Variants in GALNT10 observed in about 807,000 individuals in gnomAD.
The protein encoded by GALNT10 is GalNAc transferase 10.
Under a neutral mutation model 75.0 loss-of-function variants are expected in GALNT10, and 41 were observed. The ratio of observed to expected loss-of-function variants is 0.55; its 90% CI spans 0.43 to 0.71. The LOEUF is 0.71. GALNT10 is among the 30% of genes least tolerant of loss of function. The probability of loss-of-function intolerance (pLI) is 0.00; values close to 1 mark genes in which losing one functional copy is unlikely to be tolerated. For missense variants in GALNT10, 727 were observed against 818.5 expected, an observed-to-expected ratio of 0.89 and a Z score of 1.36; for synonymous variants, 302 against 313.0, an observed-to-expected ratio of 0.96 and a Z score of 0.37.
rs144259960 is a variant in GALNT10, at chr5:154,298,027, G to A, written c.349G>A (p.Val117Ile). 6.2e-5 allele frequency: 100 copies of A among 1,612,964 alleles called. No homozygotes were observed. The highest frequency in any genetic ancestry group is 7.5e-5 in the Non-Finnish European group (89 of 1,179,130). ...AYRENGFNIY[V>I]SDKISLNRSL... ...CCGAGAAAATGGATTTAACATCTAC[G>A]TCAGTGATAAAATCTCCTTGAATCG... The change falls in exon 3 of 12, where the codon GTC (valine) becomes ATC (isoleucine). Residue 117 changes from valine to isoleucine, a missense_variant. Coordinates refer to ENST00000297107, the MANE Select transcript of GALNT10 (RefSeq NM_198321.4). The surrounding 1 kb of genome is among the most constrained non-coding windows in gnomAD (Gnocchi z 4.1).
intron 4 of GALNT10, chr5:154,338,447 A>G (rs10463257): frequency 0.45 from 148,043 of 325,410 alleles, 37,229 homozygotes; most frequent in Admixed American, 0.62. Flanking sequence ...ACTCTGACTT[A>G]GACATGATGG....
intron 1 of GALNT10, among the ~76,000 whole-genome samples, chr5:154,233,069 TG>T (rs750477298): frequency 1.3e-5 from 2 of 152,118 alleles, no homozygotes; most frequent in Non-Finnish European, 2.9e-5. Flanking sequence ...ATCTGTAAAA[TG>T]GGGATAATAA....
At position 154,307,199 on chromosome 5, in the gene GALNT10, C is replaced by A. The variant is rs959686296; in HGVS notation, c.401+9120C>A. 1.3e-5 allele frequency among the ~76,000 whole-genome samples: 2 copies of A among 152,298 alleles called. 1 individual carries two copies. Among genetic ancestry groups the A allele is most frequent in the South Asian group, 4.1e-4 (2 of 4,824 alleles). ...CTGCCAAAACTCACTTAAGGAGAAACGATCAACCTGAATAGTCCTATATCT... is the reference window on the plus strand; with the variant it reads ...CTGCCAAAACTCACTTAAGGAGAAAAGATCAACCTGAATAGTCCTATATCT... On this transcript the variant is annotated intron_variant, in intron 3 of 11. Transcript: ENST00000297107.
chr5:154,351,231 CTG>C (rs1274985425), intron 4 of GALNT10, among the ~76,000 whole-genome samples: 1 of 152,156 alleles, frequency 6.6e-6, no homozygotes, highest in Admixed American at 6.5e-5. Context: ...TACAAAGAAA[CTG>C]AGATTTAGAG....
intron 6 of GALNT10, among the ~76,000 whole-genome samples, chr5:154,384,361 G>A (rs1256727070): frequency 2.0e-5 from 3 of 152,168 alleles, no homozygotes; most frequent in Non-Finnish European, 1.5e-5. Context: ...AAGGTAAAGA[G>A]AAACAGGTAA....
intron 1 of GALNT10, among the ~76,000 whole-genome samples, chr5:154,221,352 G>C (rs114882795): frequency 0.018 from 2,784 of 152,296 alleles, 64 homozygotes; most frequent in African/African-American, 0.063. Context: ...GACTGGAGCA[G>C]GGAATTCTGC....
At chr5:154,232,758 T>C (rs1333504719) in intron 1 of GALNT10, among the ~76,000 whole-genome samples, 2 of 152,200 alleles carry the variant, frequency 1.3e-5, no homozygotes, top group African/African-American at 2.4e-5. Flanking sequence ...TCGTGACAAG[T>C]AACAGACATG....
chr5:154,227,753 T>C (rs1047363779), intron 1 of GALNT10, among the ~76,000 whole-genome samples: 3 of 152,190 alleles, frequency 2.0e-5, no homozygotes, highest in African/African-American at 7.2e-5. Flanking sequence ...AAGGTTTTTT[T>C]TTTTCCCTTA....
Position 154,412,944 on chromosome 5 carries a change from C to G in GALNT10, c.1442C>G (p.Ser481Cys), listed in dbSNP as rs201408248. Reference sequence around the variant, plus strand: ...GACACAAAGCACGGGGCCTTGGGCTCCCCACTAAGGCTAGAGGGCTGCGTC... The same window carrying G: ...GACACAAAGCACGGGGCCTTGGGCTGCCCACTAAGGCTAGAGGGCTGCGTC... ...CADTKHGALG[S>C]PLRLEGCVRG... Residue 481 changes from serine to cysteine, a missense_variant, in exon 10 of 12, where the codon TCC (serine) becomes TGC (cysteine). Ser to Cys is a moderately radical substitution (Grantham distance 112). Transcript: ENST00000297107. The surrounding 1 kb of genome is among the most constrained non-coding windows in gnomAD (Gnocchi z 4.2). 1 of 1,613,540 alleles carries G rather than the reference C, an allele frequency of 6.2e-7. No homozygotes were observed.
chr5:154,308,987 A>G (rs1331622243), intron 3 of GALNT10, among the ~76,000 whole-genome samples: 3 of 152,212 alleles, frequency 2.0e-5, no homozygotes, highest in Non-Finnish European at 2.9e-5. Context: ...GGAGAGTCAT[A>G]ATATAAACAA....
At chr5:154,235,670 A>C (rs1753234378) in intron 1 of GALNT10, among the ~76,000 whole-genome samples, 1 of 152,162 alleles carries the variant, frequency 6.6e-6, no homozygotes, top group Non-Finnish European at 1.5e-5. Flanking sequence ...TTATTTAATC[A>C]CTTTGATCCT....
intron 7 of GALNT10, among the ~76,000 whole-genome samples, chr5:154,397,775 T>G (rs1756078399): frequency 6.6e-6 from 1 of 152,196 alleles, no homozygotes; most frequent in Non-Finnish European, 1.5e-5. Context: ...TCTGGGCAGG[T>G]CGGGTGCCGT....
chr5:154,346,746 A>G (rs1346943902), intron 4 of GALNT10, among the ~76,000 whole-genome samples: 1 of 152,174 alleles, frequency 6.6e-6, no homozygotes, highest in African/African-American at 2.4e-5. Context: ...GCTAAATGGA[A>G]GATTTAAACC....
At position 154,190,815 on chromosome 5, in the gene GALNT10, C is replaced by A; in HGVS notation, c.-52C>A. On this transcript the variant is annotated 5_prime_UTR_variant, in exon 1 of 12. It adds an upstream start codon to the 5' untranslated region. Coordinates refer to ENST00000297107, the MANE Select transcript of GALNT10 (RefSeq NM_198321.4). Reference sequence around the variant, plus strand: ...CGGGCGGACGGGCGGACGCGCGGAGCTGGGGGCGGCGCGGCGGGGCCGGCG... The same window carrying A: ...CGGGCGGACGGGCGGACGCGCGGAGATGGGGGCGGCGCGGCGGGGCCGGCG... 1 of 853,574 alleles carries A rather than the reference C, an allele frequency of 1.2e-6. No individual in the cohort carries two copies. The highest frequency in any genetic ancestry group is 1.4e-6 in the Non-Finnish European group (1 of 698,624). The allele number at this position is 853,574 out of a possible 1,614,324, so 52.9% of individuals were successfully genotyped here.
At chr5:154,230,656 TC>T (rs1012132081) in intron 1 of GALNT10, among the ~76,000 whole-genome samples, 1 of 152,230 alleles carries the variant, frequency 6.6e-6, no homozygotes, top group South Asian at 2.1e-4. Flanking sequence ...TGTGAGCCTC[TC>T]TTGCATAGGA....
At chr5:154,337,540 C>T (rs545503250) in intron 4 of GALNT10, 70 of 749,012 alleles carry the variant, frequency 9.3e-5, no homozygotes, top group East Asian at 5.9e-4. Flanking sequence ...CATGGTTTGG[C>T]GAAGTATTGG....
chr5:154,214,151 C>A (rs915796570), intron 1 of GALNT10, among the ~76,000 whole-genome samples: 2 of 152,096 alleles, frequency 1.3e-5, no homozygotes, highest in Non-Finnish European at 2.9e-5. Flanking sequence ...TCCACCCACA[C>A]CTTCTTTGGT....
At chr5:154,299,762 G>C (rs951880457) in intron 3 of GALNT10, among the ~76,000 whole-genome samples, 2 of 152,152 alleles carry the variant, frequency 1.3e-5, no homozygotes, top group Non-Finnish European at 2.9e-5. Flanking sequence ...AGGGAACAGA[G>C]GAGGGGCCTC....
At chr5:154,285,601 A>T (rs937273122) in intron 1 of GALNT10, among the ~76,000 whole-genome samples, 14 of 151,382 alleles carry the variant, frequency 9.2e-5, no homozygotes, top group African/African-American at 2.4e-4. Flanking sequence ...CCCTATTTTT[A>T]AAAAAAATCT....
Sources: gnomAD v4.1 joint callset for allele counts (sites outside exome capture counted in the v4.1 genomes callset) on GRCh38, gnomAD v4.1.1 for gene constraint, Gnocchi (gnomAD v3.1) non-coding constraint, MANE v1.5 for transcripts, NCBI Gene and HGNC (gene_info 2026-07-23, HGNC 2026-07-21) for gene names.